NAALADL2: variants seen among roughly 807,000 people sequenced by gnomAD.
NAALADL2 encodes the protein N-acetylated alpha-linked acidic dipeptidase like 2, also known as inactive N-acetylated-alpha-linked acidic dipeptidase-like protein 2.
A neutral mutation model predicts 87.2 loss-of-function variants in NAALADL2; 76 were observed. The ratio of observed to expected loss-of-function variants is 0.87; its 90% CI spans 0.72 to 1.05. The LOEUF is 1.05. NAALADL2 is among the 50% of genes least tolerant of loss of function. NAALADL2 has a pLI of 0.00. For missense variants in NAALADL2, 1,089 were observed against 945.8 expected (o/e 1.15, Z -1.99); for synonymous variants, 354 against 331.0 (o/e 1.07, Z -0.75).
intron 13 of NAALADL2, among the ~76,000 whole-genome samples, chr3:175,791,931 G>A (rs1262237176): frequency 6.8e-6 from 1 of 147,840 alleles, no homozygotes. Flanking sequence ...AAACAACCCT[G>A]ATATTTCTAC....
At chr3:174,786,264 C>T (rs1716629094) in intron 3 of NAALADL2, among the ~76,000 whole-genome samples, 1 of 151,876 alleles carries the variant, frequency 6.6e-6, no homozygotes, top group Admixed American at 6.6e-5. Context: ...TCCTGGCTAA[C>T]ACAGTGAAAC....
chr3:175,501,432 C>T (rs999414006), intron 9 of NAALADL2, among the ~76,000 whole-genome samples: 6 of 151,912 alleles, frequency 3.9e-5, no homozygotes, highest in Admixed American at 3.9e-4. Flanking sequence ...TAGACACACA[C>T]ACACACACAC....
chr3:174,628,305 G>A (rs772043641), intron 2 of NAALADL2, among the ~76,000 whole-genome samples: 33 of 151,496 alleles, frequency 2.2e-4, no homozygotes, highest in Non-Finnish European at 2.9e-4. Context: ...GTGAAATCCC[G>A]TCTCTATTAA....
chr3:175,591,375 T>G (rs1269959235), intron 10 of NAALADL2, among the ~76,000 whole-genome samples: 1 of 152,194 alleles, frequency 6.6e-6, no homozygotes, highest in Non-Finnish European at 1.5e-5. Flanking sequence ...TCAACTAGTT[T>G]ATGTTTCTGA....
intron 5 of NAALADL2, among the ~76,000 whole-genome samples, chr3:175,340,483 C>T (rs934995390): frequency 1.3e-5 from 2 of 152,112 alleles, no homozygotes; most frequent in African/African-American, 4.8e-5. Context: ...ACTGGTACCT[C>T]CTGACACTTC....
intron 2 of NAALADL2, among the ~76,000 whole-genome samples, chr3:174,714,725 C>G (rs1731014849): frequency 6.6e-6 from 1 of 152,124 alleles, no homozygotes; most frequent in South Asian, 2.1e-4. Flanking sequence ...TCTAGATATA[C>G]AATCATGTCA....
chr3:174,558,350 G>C (rs993183742), intron 2 of NAALADL2, among the ~76,000 whole-genome samples: 1 of 146,568 alleles, frequency 6.8e-6, no homozygotes, highest in Admixed American at 6.7e-5. Flanking sequence ...GACTGGGTAC[G>C]GGGGGGATGG....
chr3:174,820,055 G>C (rs1186584433), intron 3 of NAALADL2, among the ~76,000 whole-genome samples: 1 of 152,056 alleles, frequency 6.6e-6, no homozygotes, highest in Admixed American at 6.6e-5. Flanking sequence ...GTTTAGTGGG[G>C]TTTGTAATGT....
At chr3:175,219,907 G>T (rs1743098415) in intron 2 of NAALADL2, among the ~76,000 whole-genome samples, 6 of 126,402 alleles carry the variant, frequency 4.7e-5, no homozygotes, top group East Asian at 2.4e-4. Flanking sequence ...AAGTGTATTT[G>T]ATATTTTAAT....
chr3:175,137,233 T>C (rs1249610089), intron 2 of NAALADL2, among the ~76,000 whole-genome samples: 1 of 152,176 alleles, frequency 6.6e-6, no homozygotes, highest in Non-Finnish European at 1.5e-5. Context: ...AGTTTTACCA[T>C]AATTAGCACA....
chr3:174,680,842 A>G (rs1329899963), intron 2 of NAALADL2, among the ~76,000 whole-genome samples: 1 of 152,178 alleles, frequency 6.6e-6, no homozygotes, highest in African/African-American at 2.4e-5. Flanking sequence ...ATAACTATAC[A>G]TACAAATAAA....
chr3:174,567,046 C>T (rs1200038345), intron 2 of NAALADL2, among the ~76,000 whole-genome samples: 1 of 151,490 alleles, frequency 6.6e-6, no homozygotes, highest in Non-Finnish European at 1.5e-5. Flanking sequence ...CTACTATGCA[C>T]ATAATGTCTT....
At position 175,709,369 on chromosome 3, in the gene NAALADL2, A is replaced by G. The variant is rs573678141; in HGVS notation, c.1897-27937A>G. On this transcript the variant is annotated intron_variant, in intron 11 of 13. Coordinates refer to ENST00000454872, the MANE Select transcript of NAALADL2 (RefSeq NM_207015.3). The stretch of plus-strand genomic sequence containing the variant: ...ACATATTTATAAATGATATTTCCAG[A>G]ATACTCCAAAGCCAAAGGTGAGGTC... 2.2e-4 allele frequency among the ~76,000 whole-genome samples: 34 copies of G among 152,258 alleles called. 2 individuals carry two copies. In the South Asian group the frequency reaches 6.8e-3, roughly 31 times the overall value.
At chr3:175,117,634 G>A (rs1366005379) in intron 2 of NAALADL2, among the ~76,000 whole-genome samples, 9 of 150,672 alleles carry the variant, frequency 6.0e-5, no homozygotes, top group Non-Finnish European at 1.3e-4. Flanking sequence ...TGGAGAGGAT[G>A]TGGAGAAATA....
At chr3:174,509,740 A>G (rs1169995209) in intron 1 of NAALADL2, among the ~76,000 whole-genome samples, 1 of 151,070 alleles carries the variant, frequency 6.6e-6, no homozygotes, top group Non-Finnish European at 1.5e-5. Context: ...CTTCCTTTCT[A>G]ATTAGGGCTA....
At chr3:175,016,941 C>G (rs976067621) in intron 1 of NAALADL2, among the ~76,000 whole-genome samples, 18 of 151,880 alleles carry the variant, frequency 1.2e-4, no homozygotes, top group Non-Finnish European at 2.5e-4. Flanking sequence ...TGTCTACTAG[C>G]TATTTTGAAA....
At chr3:174,980,206 C>A (rs751302892) in intron 1 of NAALADL2, among the ~76,000 whole-genome samples, 1 of 152,200 alleles carries the variant, frequency 6.6e-6, no homozygotes, top group Admixed American at 6.5e-5. Context: ...TCTGCCTCTT[C>A]AGCAGATCTG....
Position 175,739,098 on chromosome 3 carries a change from C to A in NAALADL2, c.1990+1699C>A, listed in dbSNP as rs553615358. On this transcript the variant is annotated intron_variant, in intron 12 of 13. Coordinates refer to ENST00000454872, the MANE Select transcript of NAALADL2 (RefSeq NM_207015.3). The stretch of plus-strand genomic sequence containing the variant: ...TTGTTCATCTAAAAGCAATAACTAT[C>A]ATGCATGAAAAGAAGCCCCAAAGAG... 1.5e-3 allele frequency among the ~76,000 whole-genome samples: 227 copies of A among 152,164 alleles called. 1 individual carries two copies. Among genetic ancestry groups the A allele is most frequent in the African/African-American group, 5.2e-3 (217 of 41,522 alleles).
At chr3:175,674,656 C>G (rs1004676338) in intron 11 of NAALADL2, among the ~76,000 whole-genome samples, 2 of 151,902 alleles carry the variant, frequency 1.3e-5, no homozygotes, top group African/African-American at 4.8e-5. Flanking sequence ...TAATTAACTT[C>G]TTATTGGGTT....
Sources: gnomAD v4.1 joint callset for allele counts (sites outside exome capture counted in the v4.1 genomes callset) on GRCh38, gnomAD v4.1.1 for gene constraint, MANE v1.5 for transcripts, NCBI Gene and HGNC (gene_info 2026-07-23, HGNC 2026-07-21) for gene names.